The following RPSA2 variants were observed in gnomAD, a reference collection of about 807,000 sequenced individuals.
RPSA2 encodes ribosomal protein SA 2, also known as small ribosomal subunit protein uS2B.
At chr19:23,823,552 T>C in the RPSA2 span, among the ~76,000 whole-genome samples, 1 of 152,096 alleles carries the variant, frequency 6.6e-6, no homozygotes, top group Non-Finnish European at 1.5e-5. Context: ...ACCGTCCTAC[T>C]CCCAGTTTTC....
the RPSA2 span, among the ~76,000 whole-genome samples, chr19:23,761,901 A>ATCCCTTCCTTCCTTCCTTCCTTCCTTCC: frequency 2.9e-4 from 10 of 34,014 alleles, no homozygotes; most frequent in Admixed American, 7.7e-4. Context: ...GGGTAACGTA[A>ATCCCTTCCTTCCTTCCTTCCTTCCTTCC]TTCTTTCTTT....
At chr19:23,809,829 A>G in the RPSA2 span, among the ~76,000 whole-genome samples, 1 of 152,098 alleles carries the variant, frequency 6.6e-6, no homozygotes, top group Non-Finnish European at 1.5e-5. Flanking sequence ...TTTTCTTTTG[A>G]CTATTTCTTC....
chr19:23,867,397 T>C, the RPSA2 span, among the ~76,000 whole-genome samples: 1 of 152,232 alleles, frequency 6.6e-6, no homozygotes, highest in Non-Finnish European at 1.5e-5. Flanking sequence ...CTTATAGCAT[T>C]GGATATGAGA....
chr19:23,825,632 G>T, the RPSA2 span, among the ~76,000 whole-genome samples: 1 of 152,054 alleles, frequency 6.6e-6, no homozygotes, highest in African/African-American at 2.4e-5. Context: ...TCTTGCCCAG[G>T]CTGGAGTGTA....
chr19:23,839,736 G>T, the RPSA2 span, among the ~76,000 whole-genome samples: 25 of 152,166 alleles, frequency 1.6e-4, no homozygotes, highest in Non-Finnish European at 2.9e-4. Flanking sequence ...TTCCTGTGGT[G>T]CCAGGCAGGA....
the RPSA2 span, among the ~76,000 whole-genome samples, chr19:23,836,838 T>C: frequency 6.6e-6 from 1 of 152,014 alleles, no homozygotes; most frequent in East Asian, 1.9e-4. Context: ...TATTTTTTGA[T>C]TTTTTTCTTA....
At chr19:23,805,571 ATG>A in the RPSA2 span, among the ~76,000 whole-genome samples, 2 of 498 alleles carry the variant, frequency 4.0e-3, no homozygotes, top group South Asian at 0.5. Context: ...AGAGATGAAC[ATG>A]TGGTGCTCAA....
the RPSA2 span, among the ~76,000 whole-genome samples, chr19:23,790,582 C>T: frequency 3.3e-5 from 5 of 152,040 alleles, no homozygotes; most frequent in African/African-American, 1.2e-4. Flanking sequence ...ATCACACACA[C>T]AACTGGAGCA....
the RPSA2 span, among the ~76,000 whole-genome samples, chr19:23,834,543 T>G: frequency 6.6e-6 from 1 of 152,042 alleles, no homozygotes; most frequent in Non-Finnish European, 1.5e-5. Context: ...TTCAGAGTAA[T>G]ACTCTTCTAC....
chr19:23,845,825 T>A, the RPSA2 span, among the ~76,000 whole-genome samples: 5 of 150,698 alleles, frequency 3.3e-5, no homozygotes, highest in East Asian at 6.3e-4. Flanking sequence ...CAGTGACTGT[T>A]TGGGATCATG....
At chr19:23,807,875 A>G in the RPSA2 span, 1 of 425,652 alleles carries the variant, frequency 2.3e-6, no homozygotes, top group Non-Finnish European at 4.7e-6. Flanking sequence ...CTGGAGGAGT[A>G]GCAGTGCCTG....
the RPSA2 span, among the ~76,000 whole-genome samples, chr19:23,779,923 C>T: frequency 6.6e-6 from 1 of 152,190 alleles, no homozygotes; most frequent in Admixed American, 6.5e-5. Context: ...ACTCTCCTGC[C>T]TTGTCACAGT....
At chr19:23,833,802 A>G in the RPSA2 span, among the ~76,000 whole-genome samples, 44 of 152,240 alleles carry the variant, frequency 2.9e-4, 1 homozygote, top group Admixed American at 6.5e-4. Flanking sequence ...AAAAAGCACT[A>G]CAAATATAAA....
chr19:23,791,858 G>A, the RPSA2 span, among the ~76,000 whole-genome samples: 4 of 151,482 alleles, frequency 2.6e-5, no homozygotes, highest in African/African-American at 9.7e-5. Context: ...TCCTGCCTCA[G>A]TCTCCTGAGT....
chr19:23,868,316 G>A, the RPSA2 span, among the ~76,000 whole-genome samples: 195 of 152,248 alleles, frequency 1.3e-3, 1 homozygote, highest in Admixed American at 2.0e-3. Context: ...TGAGACATCC[G>A]GTCATGTATG....
At chr19:23,832,546 A>G in the RPSA2 span, 4 of 813,618 alleles carry the variant, frequency 4.9e-6, no homozygotes, top group South Asian at 1.6e-5. Flanking sequence ...CTGAAAAGAA[A>G]CCCTACAAAT....
the RPSA2 span, chr19:23,832,710 G>C: frequency 6.6e-7 from 1 of 1,518,736 alleles, no homozygotes; most frequent in Non-Finnish European, 8.9e-7. Context: ...ACACTGGAGA[G>C]AAACCCTACA....
the RPSA2 span, among the ~76,000 whole-genome samples, chr19:23,838,181 T>C: frequency 6.6e-6 from 1 of 152,246 alleles, no homozygotes; most frequent in Non-Finnish European, 1.5e-5. Flanking sequence ...GAATGTTTTT[T>C]CTGCATCTAT....
At chr19:23,794,681 T>G in the RPSA2 span, among the ~76,000 whole-genome samples, 1 of 152,134 alleles carries the variant, frequency 6.6e-6, no homozygotes, top group Admixed American at 6.5e-5. Context: ...AAGAAGCTCT[T>G]TAGTTTAATT....
Sources: allele counts gnomAD v4.1 joint callset (sites outside exome capture counted in the v4.1 genomes callset), GRCh38; gene constraint gnomAD v4.1.1; transcripts MANE v1.5; gene names NCBI Gene and HGNC (gene_info 2026-07-23, HGNC 2026-07-21).